FLYWCH1: variants seen among roughly 807,000 people sequenced by gnomAD.
The protein encoded by FLYWCH1 is FLYWCH-type zinc finger 1.
A neutral mutation model predicts 66.4 loss-of-function variants in FLYWCH1; 75 were observed. The observed-to-expected ratio is 1.13, with a 90% CI of 0.94 to 1.37. FLYWCH1 has a LOEUF of 1.37. Ranked by LOEUF, FLYWCH1 falls within the 40% of genes most tolerant of loss-of-function variation. The pLI is 0.00. For missense variants in FLYWCH1, 1,334 were observed against 1,001.8 expected, an observed-to-expected ratio of 1.33 and a Z score of -4.48; for synonymous variants, 595 against 429.9, an observed-to-expected ratio of 1.38 and a Z score of -4.75.
chr16:2,920,325 A>T (rs1596356630), intron 2 of FLYWCH1, among the ~76,000 whole-genome samples: 1 of 151,842 alleles, frequency 6.6e-6, no homozygotes, highest in Non-Finnish European at 1.5e-5. Context: ...GCCTGGCCAA[A>T]ATGGTGAAAC....
At chr16:2,934,556 C>T in intron 6 of FLYWCH1, 1 of 443,182 alleles carries the variant, frequency 2.3e-6, no homozygotes, top group Admixed American at 2.5e-5. Context: ...TAGCGTCTGG[C>T]TGAGGAGCCA....
At chr16:2,933,646 A>C in intron 5 of FLYWCH1, 64 bp downstream of exon 5, 1 of 1,564,014 alleles carries the variant, frequency 6.4e-7, no homozygotes, top group Non-Finnish European at 8.7e-7. Context: ...AGGTCCAGGG[A>C]GGGAAGGGGG....
At chr16:2,925,574 C>CGGGGG (rs1367590910) in intron 2 of FLYWCH1, among the ~76,000 whole-genome samples, 1 of 16,822 alleles carries the variant, frequency 5.9e-5, no homozygotes, top group Non-Finnish European at 8.9e-5. Context: ...GGGGGAGTTG[C>CGGGGG]GGGGGGAGGG....
chr16:2,945,873 T>G (rs1331688623), intron 9 of FLYWCH1, among the ~76,000 whole-genome samples: 2 of 151,894 alleles, frequency 1.3e-5, no homozygotes, highest in Non-Finnish European at 2.9e-5. Context: ...GGCAGGTGCC[T>G]GTAGTCCCAG....
chr16:2,938,571 A>AATTATTCATAT, intron 8 of FLYWCH1, 115 bp downstream of exon 8: 1 of 911,046 alleles, frequency 1.1e-6, no homozygotes. Context: ...TGCACACACA[A>AATTATTCATAT]ATTATTCATA....
intron 6 of FLYWCH1, chr16:2,936,638 A>G (rs764325269): frequency 2.6e-5 from 12 of 458,188 alleles, no homozygotes; most frequent in African/African-American, 1.2e-4. Context: ...CACCACATCC[A>G]GGACAGTGGA....
intron 1 of FLYWCH1, chr16:2,913,121 G>C (rs1020171778): frequency 3.3e-5 from 5 of 152,202 alleles, no homozygotes; most frequent in Admixed American, 3.3e-4. Flanking sequence ...ATTTAATTGG[G>C]GAGAGACATG....
Position 2,933,719 on chromosome 16 carries a change from G to A in FLYWCH1, c.1253G>A (p.Gly418Asp), listed in dbSNP as rs758641963. Residue 418 changes from glycine (G) to aspartate (D), a missense_variant, in exon 6 of 10, where the codon GGC becomes GAC. Physicochemically the swap from Gly to Asp is moderately conservative, Grantham distance 94 (BLOSUM62 -1). Transcript: ENST00000253928. ...EHQDMDADPG[G>D]PEFLKTPLGG... ...ACTGCCTCTTGAACCTCCCCAGGAG[G>A]CCCTGAGTTCCTGAAGACGCCCCTG... is the stretch of plus-strand genomic sequence containing the variant. The A allele has an allele frequency of 3.1e-6, 5 of 1,612,026 alleles. No individual in the cohort carries two copies. In the Admixed American group the frequency reaches 6.7e-5, roughly 22 times the overall value.
chr16:2,922,639 T>C (rs1475425301), intron 2 of FLYWCH1: 9 of 421,610 alleles, frequency 2.1e-5, no homozygotes, highest in Non-Finnish European at 3.7e-5. Context: ...ATATTTAGAA[T>C]TAGCCAGCCG....
At chr16:2,916,843 C>T (rs1445091064) in intron 2 of FLYWCH1, among the ~76,000 whole-genome samples, 2 of 151,664 alleles carry the variant, frequency 1.3e-5, no homozygotes, top group African/African-American at 4.8e-5. Context: ...ATTGCTAATA[C>T]TTTCAAAAAC....
chr16:2,920,090 G>T (rs1479951744), intron 2 of FLYWCH1, among the ~76,000 whole-genome samples: 1 of 152,022 alleles, frequency 6.6e-6, no homozygotes, highest in Non-Finnish European at 1.5e-5. Context: ...GCAGGATTAG[G>T]GGTCATTTTA....
chr16:2,912,934 A>C (rs901448358), intron 1 of FLYWCH1: 1 of 152,214 alleles, frequency 6.6e-6, no homozygotes, highest in Non-Finnish European at 1.5e-5. Flanking sequence ...TCCAAGGGCC[A>C]ATATGATTTC....
At chr16:2,938,872 A>G (rs1452421712) in intron 8 of FLYWCH1, among the ~76,000 whole-genome samples, 1 of 150,086 alleles carries the variant, frequency 6.7e-6, no homozygotes, top group Non-Finnish European at 1.5e-5. Flanking sequence ...TTGGCCTCCC[A>G]AAGTGCTAGG....
intron 2 of FLYWCH1, among the ~76,000 whole-genome samples, chr16:2,916,226 T>C (rs187009863): frequency 6.6e-6 from 1 of 152,172 alleles, no homozygotes; most frequent in Admixed American, 6.6e-5. Flanking sequence ...GTGCCTGTAA[T>C]CCTAGCTACT....
At chr16:2,942,777 A>C (rs910456126) in intron 9 of FLYWCH1, among the ~76,000 whole-genome samples, 5 of 119,272 alleles carry the variant, frequency 4.2e-5, no homozygotes, top group Non-Finnish European at 8.0e-5. Context: ...CCCAGGCTGG[A>C]GTGCAGTGGT....
intron 7 of FLYWCH1, 86 bp downstream of exon 7, chr16:2,937,470 TTG>T (rs980082626): frequency 1.4e-6 from 2 of 1,413,412 alleles, no homozygotes; most frequent in African/African-American, 1.4e-5. Context: ...CCGTGGGGTG[TTG>T]TGTGTTGTGC....
chr16:2,929,979 G>A lies in FLYWCH1; in HGVS notation c.294G>A (p.Met98Ile). 1.9e-6 allele frequency: 3 copies of A among 1,609,420 alleles called. No homozygotes were observed. The highest frequency in any genetic ancestry group is 2.5e-6 in the Non-Finnish European group (3 of 1,176,638). The change falls in exon 3 of 10, where the codon ATG becomes ATA. Residue 98 changes from methionine to isoleucine, a missense_variant. Met to Ile is a conservative substitution (Grantham distance 10, BLOSUM62 1). Coordinates refer to ENST00000253928, the MANE Select transcript of FLYWCH1 (RefSeq NM_001308068.2). Reference sequence around the variant, plus strand: ...GGGTGGTCCAGCCAGCCCTAGAGATGCCTGAACAGAAGTGCAGCAAGCTGG... The same window carrying A: ...GGGTGGTCCAGCCAGCCCTAGAGATACCTGAACAGAAGTGCAGCAAGCTGG... The part of the protein sequence containing the change: ...QGGVVQPALE[M>I]PEQKCSKLDA...
rs768165721 is a variant in FLYWCH1 at position 2,937,171 on chromosome 16, G to C, written c.1564G>C (p.Glu522Gln). Residue 522 changes from glutamate (E) to glutamine (Q), a missense_variant, in exon 7 of 10, where the codon GAG becomes CAG. Glu to Gln is a conservative substitution (Grantham distance 29). Coordinates refer to ENST00000253928, the MANE Select transcript of FLYWCH1 (RefSeq NM_001308068.2). ...CCTGGGGGGCAGCTTCCTGGTGTACGAGTCCTTCCTCTACCGGCGGGAGAA... is the reference window on the plus strand; with the variant it reads ...CCTGGGGGGCAGCTTCCTGGTGTACCAGTCCTTCCTCTACCGGCGGGAGAA... ...TPLGGSFLVY[E>Q]SFLYRREKAA... 6.2e-7 allele frequency: 1 copy of C among 1,609,582 alleles called. No homozygotes were observed. Among genetic ancestry groups the C allele is most frequent in the East Asian group, 2.2e-5 (1 of 44,812 alleles).
intron 8 of FLYWCH1, 87 bp from the exon 9 acceptor site, chr16:2,939,945 C>T (rs113334381): frequency 9.5e-4 from 1,405 of 1,486,162 alleles, no homozygotes; most frequent in Non-Finnish European, 1.1e-3. Flanking sequence ...GCCTTGAGGG[C>T]GTCGTTAACA....
Sources: gnomAD v4.1 joint callset for allele counts (sites outside exome capture counted in the v4.1 genomes callset) on GRCh38, gnomAD v4.1.1 for gene constraint, MANE v1.5 for transcripts, NCBI Gene and HGNC (gene_info 2026-07-23, HGNC 2026-07-21) for gene names.